The following KIAA1549L variants were observed in gnomAD, a reference collection of about 807,000 sequenced individuals.
KIAA1549L encodes UPF0606 protein KIAA1549L.
Under a neutral mutation model 160.7 loss-of-function variants are expected in KIAA1549L, and 88 were observed. That is an observed-to-expected ratio of 0.55 (90% CI 0.46 to 0.65). The LOEUF (loss-of-function observed/expected upper bound fraction) is 0.65, where lower values mean the gene tolerates loss of function less well. KIAA1549L is among the 30% of genes least tolerant of loss of function. The probability of loss-of-function intolerance (pLI) is 0.00; values close to 1 mark genes in which losing one functional copy is unlikely to be tolerated. For synonymous variants in KIAA1549L, 950 were observed against 976.7 expected (o/e 0.97, Z 0.51); for missense variants, 2,258 against 2,437.5 (o/e 0.93, Z 1.55).
intron 1 of KIAA1549L, among the ~76,000 whole-genome samples, chr11:33,516,530 C>T (rs554421440): frequency 1.1e-4 from 16 of 152,192 alleles, no homozygotes; most frequent in Non-Finnish European, 2.1e-4. Flanking sequence ...TATATCTGAG[C>T]AAGAAGTTGA....
chr11:33,646,027 G>A lies in KIAA1549L; in HGVS notation c.5751G>A (p.Leu1917=). 1.3e-6 allele frequency: 2 copies of A among 1,563,110 alleles called. No homozygotes were observed. Among genetic ancestry groups the A allele is most frequent in the Non-Finnish European group, 1.7e-6 (2 of 1,152,932 alleles). Reference sequence around the variant, plus strand: ...GCCCAGAAATGTATCAGTACAGTCTGCCCCGGCCGGTAAGTCATTCATTCC... The same window carrying A: ...GCCCAGAAATGTATCAGTACAGTCTACCCCGGCCGGTAAGTCATTCATTCC... ...TYRPEMYQYS[L]PRPAYRFSQL... The change falls in exon 17 of 21, where the codon CTG becomes CTA. Residue 1917 remains leucine, a synonymous_variant. Coordinates refer to ENST00000658780, the MANE Select transcript of KIAA1549L (RefSeq NM_012194.3).
intron 1 of KIAA1549L, among the ~76,000 whole-genome samples, chr11:33,427,054 A>G (rs1321397193): frequency 6.6e-6 from 1 of 152,168 alleles, no homozygotes; most frequent in Non-Finnish European, 1.5e-5. Context: ...TACCCAGGCA[A>G]CTAAATGGGC....
rs553695736 is a variant in KIAA1549L, at chr11:33,620,976, T to A, written c.5409+2314T>A. Among the ~76,000 whole-genome samples, 13 of 152,346 alleles carry A rather than the reference T, an allele frequency of 8.5e-5. No homozygotes were observed. In the South Asian group the frequency reaches 2.5e-3, roughly 29 times the overall value. The stretch of plus-strand genomic sequence containing the variant: ...GCACAGCAGTGAGCCGGTCATTCAA[T>A]TGGAAACATGTCATTCTTCCCACTG... On this transcript the variant is annotated intron_variant, in intron 16 of 20. Transcript: ENST00000658780.
chr11:33,662,889 G>A (rs1157427412), intron 20 of KIAA1549L, among the ~76,000 whole-genome samples: 1 of 152,122 alleles, frequency 6.6e-6, no homozygotes, highest in East Asian at 1.9e-4. Context: ...GACTGTACTG[G>A]ACCCTTCTGG....
chr11:33,432,023 G>A (rs1184021941), intron 1 of KIAA1549L, among the ~76,000 whole-genome samples: 1 of 152,242 alleles, frequency 6.6e-6, no homozygotes, highest in African/African-American at 2.4e-5. Context: ...CGGCATGGCA[G>A]GCCGGCTGCT....
intron 1 of KIAA1549L, among the ~76,000 whole-genome samples, chr11:33,430,041 T>TTCCTTCCTC (rs1554976200): frequency 1.6e-4 from 23 of 140,384 alleles, no homozygotes; most frequent in African/African-American, 5.0e-4. Flanking sequence ...CTTCCTTCCT[T>TTCCTTCCTC]CCTTCCTCCC....
intron 1 of KIAA1549L, among the ~76,000 whole-genome samples, chr11:33,467,204 G>A (rs1590266999): frequency 6.6e-6 from 1 of 152,068 alleles, no homozygotes; most frequent in Non-Finnish European, 1.5e-5. Context: ...ATGTATAAGA[G>A]TGCTGCTTGA....
At chr11:33,393,346 C>T (rs1335241724) in intron 1 of KIAA1549L, among the ~76,000 whole-genome samples, 6 of 152,150 alleles carry the variant, frequency 3.9e-5, no homozygotes, top group Admixed American at 3.3e-4. Context: ...AGTTAGATGC[C>T]GTCTTCTCTG....
At chr11:33,635,422 G>A (rs765074346) in intron 16 of KIAA1549L, among the ~76,000 whole-genome samples, 50 of 152,152 alleles carry the variant, frequency 3.3e-4, no homozygotes, top group Non-Finnish European at 6.2e-4. Flanking sequence ...GAATCTGTTC[G>A]TGCAGGATGG....
At chr11:33,414,894 A>G (rs1286247359) in intron 1 of KIAA1549L, among the ~76,000 whole-genome samples, 7 of 151,988 alleles carry the variant, frequency 4.6e-5, no homozygotes, top group African/African-American at 1.2e-4. Context: ...TTAATATACT[A>G]TATCGTTTTG....
At chr11:33,631,858 G>A (rs1564932631) in intron 16 of KIAA1549L, among the ~76,000 whole-genome samples, 1 of 152,198 alleles carries the variant, frequency 6.6e-6, no homozygotes, top group East Asian at 1.9e-4. Flanking sequence ...CACAGCACTC[G>A]GAATAGTAAC....
At chr11:33,472,272 T>A (rs1428986335) in intron 1 of KIAA1549L, among the ~76,000 whole-genome samples, 3 of 145,170 alleles carry the variant, frequency 2.1e-5, no homozygotes, top group African/African-American at 7.7e-5. Flanking sequence ...GCCTCATGCC[T>A]GGCTTTTTTT....
intron 3 of KIAA1549L, 79 bp from the exon 4 acceptor site, chr11:33,547,685 G>A (rs1258048727): frequency 2.3e-6 from 2 of 857,338 alleles, no homozygotes; most frequent in Non-Finnish European, 3.8e-6. Flanking sequence ...AGAAGGTGGT[G>A]GTTGGGAGGA....
intron 1 of KIAA1549L, among the ~76,000 whole-genome samples, chr11:33,535,552 G>C (rs974719687): frequency 6.6e-6 from 1 of 151,944 alleles, no homozygotes; most frequent in Non-Finnish European, 1.5e-5. Context: ...CGTGCCTGTC[G>C]TCCCAGCTAT....
intron 16 of KIAA1549L, among the ~76,000 whole-genome samples, chr11:33,644,503 A>G (rs2133402217): frequency 6.6e-6 from 1 of 152,376 alleles, no homozygotes; most frequent in South Asian, 2.1e-4. Flanking sequence ...GAATAAAGTA[A>G]TAGTGATGAT....
chr11:33,555,509 T>G (rs1854617573), intron 6 of KIAA1549L, among the ~76,000 whole-genome samples: 3 of 152,210 alleles, frequency 2.0e-5, no homozygotes, highest in Non-Finnish European at 4.4e-5. Flanking sequence ...TAAACCCTCT[T>G]GTATATGGTC....
chr11:33,524,292 GC>G (rs1853562158), intron 1 of KIAA1549L, among the ~76,000 whole-genome samples: 1 of 151,828 alleles, frequency 6.6e-6, no homozygotes, highest in South Asian at 2.1e-4. Context: ...ATCTGTAGTT[GC>G]CTCCTTTCTC....
intron 1 of KIAA1549L, among the ~76,000 whole-genome samples, chr11:33,453,605 G>T (rs1474485829): frequency 1.3e-5 from 2 of 152,088 alleles, no homozygotes; most frequent in Admixed American, 6.6e-5. Context: ...ATCTTTCTGG[G>T]TCACCTTTCT....
At chr11:33,470,204 G>A (rs946513507) in intron 1 of KIAA1549L, among the ~76,000 whole-genome samples, 1 of 152,066 alleles carries the variant, frequency 6.6e-6, no homozygotes, top group African/African-American at 2.4e-5. Context: ...ATGGTGTGAG[G>A]TAGGGTCCAA....
Sources: gnomAD v4.1 joint callset for allele counts (sites outside exome capture counted in the v4.1 genomes callset) on GRCh38, gnomAD v4.1.1 for gene constraint, MANE v1.5 for transcripts, NCBI Gene and HGNC (gene_info 2026-07-23, HGNC 2026-07-21) for gene names.